Variants in SCNN1G observed in about 807,000 individuals in gnomAD.
SCNN1G encodes sodium channel epithelial 1 subunit gamma.
A neutral mutation model predicts 64.6 loss-of-function variants in SCNN1G; 27 were observed. The observed-to-expected ratio is 0.42, with a 90% CI of 0.31 to 0.58. The LOEUF (loss-of-function observed/expected upper bound fraction) is 0.58, where lower values mean the gene tolerates loss of function less well. Among genes scored for constraint, SCNN1G ranks in the 20% least tolerant of loss-of-function variants. The probability of loss-of-function intolerance (pLI) is 0.18; values close to 1 mark genes in which losing one functional copy is unlikely to be tolerated. For missense variants in SCNN1G, 743 were observed against 823.4 expected, an observed-to-expected ratio of 0.90 and a Z score of 1.19; for synonymous variants, 330 against 314.2, an observed-to-expected ratio of 1.05 and a Z score of -0.53.
At chr16:23,202,369 T>C (rs1400345540) in intron 6 of SCNN1G, among the ~76,000 whole-genome samples, 1 of 151,594 alleles carries the variant, frequency 6.6e-6, no homozygotes, top group Non-Finnish European at 1.5e-5. Flanking sequence ...AATGGATAGA[T>C]AGGTGAGTGG....
chr16:23,214,586 A>G, intron 11 of SCNN1G, 126 bp from the exon 12 acceptor site: 1 of 759,004 alleles, frequency 1.3e-6, no homozygotes, highest in South Asian at 1.5e-5. Context: ...GCCAGGTTCT[A>G]ATATCCCCAA....
chr16:23,215,294 A>G lies in SCNN1G; in HGVS notation c.1775A>G (p.Asp592Gly), dbSNP rs748702852. The change falls in exon 13 of 13, where the codon GAC (aspartate) becomes GGC (glycine). Residue 592 changes from aspartate to glycine, a missense_variant. Coordinates refer to ENST00000300061, the MANE Select transcript of SCNN1G (RefSeq NM_001039.4). Reference sequence around the variant, plus strand: ...GCTCCCCGTAGCCCACAGGGCCAGGACAATCCAGCCCTGGATATAGACGAT... The same window carrying G: ...GCTCCCCGTAGCCCACAGGGCCAGGGCAATCCAGCCCTGGATATAGACGAT... The part of the protein sequence containing the change: ...PEAPRSPQGQ[D>G]NPALDIDDDL... The G allele has an allele frequency of 1.9e-6, 3 of 1,614,170 alleles. No homozygotes were observed. The highest frequency in any genetic ancestry group is 2.5e-6 in the Non-Finnish European group (3 of 1,180,012).
intron 8 of SCNN1G, 76 bp downstream of exon 8, chr16:23,212,227 G>T: frequency 1.1e-6 from 1 of 922,824 alleles, no homozygotes; most frequent in South Asian, 1.3e-5. Flanking sequence ...GCACTCCTGG[G>T]ACTCCACCCC....
At chr16:23,199,060 C>G (rs1011162390) in intron 6 of SCNN1G, among the ~76,000 whole-genome samples, 1 of 151,754 alleles carries the variant, frequency 6.6e-6, no homozygotes, top group Non-Finnish European at 1.5e-5. Flanking sequence ...AGAGAGTGTC[C>G]ACACCAACCA....
At chr16:23,198,969 G>C (rs888743503) in intron 6 of SCNN1G, among the ~76,000 whole-genome samples, 6 of 151,894 alleles carry the variant, frequency 4.0e-5, no homozygotes, top group Admixed American at 3.3e-4. Context: ...GGGGAGGAGT[G>C]CTTGAGCCCA....
chr16:23,189,772 A>T (rs992297430), intron 3 of SCNN1G, 101 bp downstream of exon 3: 22 of 1,165,160 alleles, frequency 1.9e-5, no homozygotes, highest in Admixed American at 1.5e-4. Flanking sequence ...TCCAACTGGA[A>T]GAAATACACC....
chr16:23,191,479 G>A (rs917440909), intron 3 of SCNN1G, among the ~76,000 whole-genome samples: 2 of 152,110 alleles, frequency 1.3e-5, no homozygotes, highest in Admixed American at 6.5e-5. Context: ...CACTCAGGTG[G>A]GAGTGGTGCA....
At chr16:23,204,322 TATATATATATATAGAGAGAGAGAG>T (rs1348472014) in intron 6 of SCNN1G, among the ~76,000 whole-genome samples, 1 of 75,358 alleles carries the variant, frequency 1.3e-5, no homozygotes, top group Non-Finnish European at 2.6e-5. Flanking sequence ...TATATATATA[TATATATATATATAGAGAGAGAGAG>T]AGAGAGAGAG....
At chr16:23,204,311 A>ATG in intron 6 of SCNN1G, among the ~76,000 whole-genome samples, 1 of 79,698 alleles carries the variant, frequency 1.3e-5, no homozygotes, top group East Asian at 4.4e-4. Flanking sequence ...ATATATATAT[A>ATG]TATATATATA....
intron 7 of SCNN1G, 122 bp downstream of exon 7, chr16:23,209,970 C>A (rs949413825): frequency 6.8e-6 from 5 of 740,246 alleles, no homozygotes; most frequent in African/African-American, 1.7e-5. Flanking sequence ...GGGGTTCATC[C>A]AGAGACCTCA....
intron 6 of SCNN1G, among the ~76,000 whole-genome samples, chr16:23,199,399 A>G (rs1475186656): frequency 6.6e-6 from 1 of 152,172 alleles, no homozygotes; most frequent in Middle Eastern, 3.2e-3. Flanking sequence ...GGCACAACTA[A>G]AAGCAATGGT....
At chr16:23,191,955 C>T (rs1055158836) in intron 3 of SCNN1G, among the ~76,000 whole-genome samples, 1 of 152,190 alleles carries the variant, frequency 6.6e-6, no homozygotes, top group Non-Finnish European at 1.5e-5. Flanking sequence ...AGTCTCTCCC[C>T]CTCCTGCAGA....
At chr16:23,197,145 T>G (rs1959808459) in intron 5 of SCNN1G, 119 bp from the exon 6 acceptor site, 2 of 809,214 alleles carry the variant, frequency 2.5e-6, no homozygotes, top group Admixed American at 3.9e-5. Context: ...CGTCCACCTG[T>G]CACTTGCTAG....
intron 6 of SCNN1G, among the ~76,000 whole-genome samples, chr16:23,200,194 C>A (rs1471910784): frequency 6.6e-6 from 1 of 152,092 alleles, no homozygotes; most frequent in Non-Finnish European, 1.5e-5. Context: ...AGAAGATGAG[C>A]CCAAGGATCT....
chr16:23,203,946 C>T (rs890648761), intron 6 of SCNN1G, among the ~76,000 whole-genome samples: 10 of 151,576 alleles, frequency 6.6e-5, no homozygotes, highest in Admixed American at 2.0e-4. Context: ...GCATGTGAAA[C>T]GCTTGGAAAT....
chr16:23,211,118 A>C (rs1216919708), intron 7 of SCNN1G, among the ~76,000 whole-genome samples: 1 of 152,236 alleles, frequency 6.6e-6, no homozygotes, highest in Non-Finnish European at 1.5e-5. Context: ...CACACACCTT[A>C]CATGTATCAA....
intron 6 of SCNN1G, among the ~76,000 whole-genome samples, chr16:23,199,963 G>A (rs1047623037): frequency 2.0e-5 from 3 of 152,112 alleles, no homozygotes; most frequent in Non-Finnish European, 2.9e-5. Flanking sequence ...GAGCCACAGC[G>A]CCTGGCCCAT....
chr16:23,195,320 C>G (rs1959778354), intron 5 of SCNN1G, among the ~76,000 whole-genome samples: 1 of 152,182 alleles, frequency 6.6e-6, no homozygotes, highest in Non-Finnish European at 1.5e-5. Flanking sequence ...TGCTACTACC[C>G]TCAAAATAAT....
chr16:23,201,520 G>GAAA (rs1959888673), intron 6 of SCNN1G, among the ~76,000 whole-genome samples: 1 of 108,442 alleles, frequency 9.2e-6, no homozygotes, highest in Non-Finnish European at 2.0e-5. Flanking sequence ...TGAGCATTTA[G>GAAA]AACAACAACA....
Sources: allele counts gnomAD v4.1 joint callset (sites outside exome capture counted in the v4.1 genomes callset), GRCh38; gene constraint gnomAD v4.1.1; transcripts MANE v1.5; gene names NCBI Gene and HGNC (gene_info 2026-07-23, HGNC 2026-07-21).